Variants in COG3 observed in about 807,000 individuals in gnomAD.
COG3 encodes the protein conserved oligomeric Golgi complex subunit 3.
In COG3, 32 loss-of-function variants were observed where a neutral mutation model predicts 114.1. That is an observed-to-expected ratio of 0.28 (90% CI 0.21 to 0.38). COG3 has a LOEUF of 0.38. Ranked by LOEUF, COG3 falls within the 10% of genes least tolerant of loss-of-function variation. The pLI is 1.00. For missense variants in COG3, 813 were observed against 973.2 expected (o/e 0.84, Z 2.19); for synonymous variants, 352 against 365.7 (o/e 0.96, Z 0.43).
chr13:45,520,381 A>C (rs1238429857), intron 19 of COG3, among the ~76,000 whole-genome samples: 1 of 152,132 alleles, frequency 6.6e-6, no homozygotes, highest in African/African-American at 2.4e-5. Flanking sequence ...TTTACCCCAG[A>C]CTTGTATCAG....
At chr13:45,470,287 C>T (rs1443920018) in intron 1 of COG3, among the ~76,000 whole-genome samples, 2 of 152,148 alleles carry the variant, frequency 1.3e-5, no homozygotes, top group Non-Finnish European at 2.9e-5. Context: ...GAGGAGGAAA[C>T]TAGATGGCTG....
Position 45,525,007 on chromosome 13 carries a change from G to T in COG3, c.2186G>T (p.Gly729Val). ...GCGTTAAAAACAATGGCCAGTCAGG[G>T]AGGCCCCAAGTATACTCTCTCACAG... ...VSALKTMASQ[G>V]GPKYTLSQQP... Residue 729 changes from glycine (G) to valine (V), a missense_variant, in exon 20 of 23, where the codon GGA (glycine) becomes GTA (valine). Transcript: ENST00000349995. The T allele has an allele frequency of 6.2e-7, 1 of 1,613,866 alleles. No homozygotes were observed. Among genetic ancestry groups the T allele is most frequent in the Non-Finnish European group, 8.5e-7 (1 of 1,179,870 alleles).
rs1268860557 is a variant in COG3 at position 45,476,108 on chromosome 13, C to T, written c.175-93C>T. 11 of 1,195,574 alleles carry T rather than the reference C, an allele frequency of 9.2e-6. No individual in the cohort carries two copies. In the African/African-American group the frequency reaches 1.2e-4, roughly 13 times the overall value. 74.1% of individuals were successfully genotyped at this position (1,195,574 alleles called of 1,614,324 possible). ...GATTTAATGGAAAATATTTCTTTCTCTTTCAAAACAACTGAGATGGAAACC... is the reference window on the plus strand; with the variant it reads ...GATTTAATGGAAAATATTTCTTTCTTTTTCAAAACAACTGAGATGGAAACC... On this transcript the variant is annotated intron_variant, in intron 1 of 22. Transcript: ENST00000349995.
At chr13:45,533,937 C>T (rs1225332777) in intron 22 of COG3, among the ~76,000 whole-genome samples, 1 of 152,216 alleles carries the variant, frequency 6.6e-6, no homozygotes, top group East Asian at 1.9e-4. Context: ...TGATCTGCAT[C>T]AGCAAAACAG....
intron 1 of COG3, chr13:45,465,466 C>T: frequency 1.9e-6 from 1 of 516,406 alleles, no homozygotes. Context: ...ACCCAGTCCT[C>T]CCCCAGCAGC....
intron 1 of COG3, among the ~76,000 whole-genome samples, chr13:45,472,588 A>T (rs1213546979): frequency 6.6e-6 from 1 of 152,038 alleles, no homozygotes; most frequent in Non-Finnish European, 1.5e-5. Flanking sequence ...ACCTAACTTC[A>T]AGTTCACTGA....
At chr13:45,490,989 C>T (rs1461737897) in intron 9 of COG3, 31 bp downstream of exon 9, 15 of 1,461,256 alleles carry the variant, frequency 1.0e-5, no homozygotes, top group African/African-American at 1.4e-5. Flanking sequence ...CTGATTTCCA[C>T]ATGAACCTTT....
chr13:45,510,407 C>A (rs2137881446), intron 15 of COG3, among the ~76,000 whole-genome samples: 1 of 152,334 alleles, frequency 6.6e-6, no homozygotes, highest in African/African-American at 2.4e-5. Context: ...GATGTCTCAG[C>A]CTTTTTGCCC....
At chr13:45,512,704 T>A (rs922221206) in intron 16 of COG3, among the ~76,000 whole-genome samples, 4 of 152,146 alleles carry the variant, frequency 2.6e-5, no homozygotes, top group African/African-American at 9.6e-5. Flanking sequence ...CTCTGTTCAC[T>A]GCAGCCTCAA....
At chr13:45,528,462 A>G (rs1257990552) in intron 20 of COG3, among the ~76,000 whole-genome samples, 2 of 152,140 alleles carry the variant, frequency 1.3e-5, no homozygotes, top group South Asian at 2.1e-4. Flanking sequence ...ACCCTGCTTT[A>G]CTACAACCCT....
In COG3 at chr13:45,496,314, T is replaced by G; in HGVS notation, c.1488+2T>G. ...CCCGATAAGTTAGTCATGATGGAGGTAGGATCTCCTTACTTGATCTCCCGT... is the reference window on the plus strand; with the variant it reads ...CCCGATAAGTTAGTCATGATGGAGGGAGGATCTCCTTACTTGATCTCCCGT... On this transcript the variant is annotated splice_donor_variant, in intron 13 of 22. Coordinates refer to ENST00000349995, the MANE Select transcript of COG3 (RefSeq NM_031431.4). LOFTEE classifies it high-confidence loss of function. 1 of 1,571,696 alleles carries G rather than the reference T, an allele frequency of 6.4e-7. No homozygotes were observed. The highest frequency in any genetic ancestry group is 8.6e-7 in the Non-Finnish European group (1 of 1,157,002).
At chr13:45,479,113 C>T (rs375659189) in intron 3 of COG3, 47 bp downstream of exon 3, 15 of 1,328,026 alleles carry the variant, frequency 1.1e-5, no homozygotes, top group Admixed American at 3.9e-5. Flanking sequence ...TTTTAGATCA[C>T]AGTCATCTGA....
intron 11 of COG3, among the ~76,000 whole-genome samples, chr13:45,492,944 T>G (rs756535005): frequency 6.6e-6 from 1 of 152,196 alleles, no homozygotes; most frequent in Non-Finnish European, 1.5e-5. Flanking sequence ...TATTCAATAA[T>G]TTTAAACTTG....
intron 20 of COG3, among the ~76,000 whole-genome samples, 176 bp downstream of exon 20, chr13:45,525,227 C>T (rs1385013186): frequency 6.6e-6 from 1 of 152,072 alleles, no homozygotes; most frequent in Non-Finnish European, 1.5e-5. Context: ...GCACTACTTG[C>T]ATTTCAGCAA....
In COG3 at chr13:45,503,233, T is replaced by A. The variant is rs1490917981; in HGVS notation, c.1489-11T>A. On this transcript the variant is annotated splice_polypyrimidine_tract_variant and intron_variant, in intron 13 of 22. Coordinates refer to ENST00000349995, the MANE Select transcript of COG3 (RefSeq NM_031431.4). ...GAAAACGGTAACATTCCTTCTGATTTCTTTATACAGCAGATTGCACAGAGT... is the reference window on the plus strand; with the variant it reads ...GAAAACGGTAACATTCCTTCTGATTACTTTATACAGCAGATTGCACAGAGT... The A allele has an allele frequency of 7.2e-7, 1 of 1,392,276 alleles. No homozygotes were observed. The highest frequency in any genetic ancestry group is 1.7e-5 in the Admixed American group (1 of 59,654). 86.2% of individuals were successfully genotyped at this position (1,392,276 alleles called of 1,614,324 possible).
intron 14 of COG3, among the ~76,000 whole-genome samples, chr13:45,506,095 CTG>C (rs1870115812): frequency 6.6e-6 from 1 of 152,008 alleles, no homozygotes. Flanking sequence ...TGACGTTTTA[CTG>C]TGTCACATTT....
chr13:45,529,651 TA>T, intron 20 of COG3, 139 bp from the exon 21 acceptor site: 1 of 634,202 alleles, frequency 1.6e-6, no homozygotes, highest in Non-Finnish European at 2.6e-6. Context: ...AAATAAGCTA[TA>T]AAAATGAAAG....
At chr13:45,508,068 T>TA (rs10571583) in intron 14 of COG3, among the ~76,000 whole-genome samples, 394 of 32,266 alleles carry the variant, frequency 0.012, 54 homozygotes, top group Middle Eastern at 0.042. Context: ...AGGTCCAACC[T>TA]AAAAAAAAAA....
chr13:45,480,420 G>T, intron 4 of COG3, 130 bp downstream of exon 4: 1 of 622,452 alleles, frequency 1.6e-6, no homozygotes, highest in South Asian at 2.8e-5. Context: ...CCTGTGCTCA[G>T]CATGCAGATT....
Sources: allele counts gnomAD v4.1 joint callset (sites outside exome capture counted in the v4.1 genomes callset), GRCh38; gene constraint gnomAD v4.1.1; transcripts MANE v1.5; gene names NCBI Gene and HGNC (gene_info 2026-07-23, HGNC 2026-07-21).